The following AGBL1 variants were observed in gnomAD, a reference collection of about 807,000 sequenced individuals.
AGBL1 encodes cytosolic carboxypeptidase 4.
A neutral mutation model predicts 118.9 loss-of-function variants in AGBL1; 130 were observed. The ratio of observed to expected loss-of-function variants is 1.09; its 90% CI spans 0.95 to 1.26. The LOEUF is 1.26. AGBL1 is among the 50% of genes most tolerant of loss of function. The probability of loss-of-function intolerance (pLI) is 0.00; values close to 1 mark genes in which losing one functional copy is unlikely to be tolerated. For missense variants in AGBL1, 1,584 were observed against 1,298.1 expected (o/e 1.22, Z -3.38); for synonymous variants, 555 against 478.9 (o/e 1.16, Z -2.08).
At chr15:86,512,460 C>A (rs1381957435) in intron 18 of AGBL1, among the ~76,000 whole-genome samples, 1 of 151,574 alleles carries the variant, frequency 6.6e-6, no homozygotes, top group African/African-American at 2.4e-5. Context: ...TATCCTTGTT[C>A]AATTTTCTTT....
rs762507639 is a variant in AGBL1 at position 86,262,804 on chromosome 15, C to T, written c.996C>T (p.Asn332=). ...VEDDDLETDV[N]KLSSKPGLDR... ...ATGATGACTTGGAAACAGACGTGAA[C>T]AAGCTGAGTTCCAAACCTGGTCTTG... The change falls in exon 10 of 23, where the codon AAC becomes AAT. Residue 332 remains asparagine, a synonymous_variant. Coordinates refer to ENST00000614907, the MANE Select transcript of AGBL1 (RefSeq NM_001386094.1). 2 of 1,609,388 alleles carry T rather than the reference C, an allele frequency of 1.2e-6. No individual in the cohort carries two copies. Among genetic ancestry groups the T allele is most frequent in the Admixed American group, 1.7e-5 (1 of 59,536 alleles).
intron 18 of AGBL1, among the ~76,000 whole-genome samples, chr15:86,480,999 A>C (rs1313075970): frequency 6.6e-6 from 1 of 152,026 alleles, no homozygotes; most frequent in Non-Finnish European, 1.5e-5. Context: ...CTGCCATTTA[A>C]GGCTGGTGAC....
chr15:86,430,129 T>C (rs2081917362), intron 18 of AGBL1, among the ~76,000 whole-genome samples: 1 of 152,208 alleles, frequency 6.6e-6, no homozygotes, highest in Non-Finnish European at 1.5e-5. Flanking sequence ...TTTCAGTGCA[T>C]ATGTTTTAGT....
At chr15:86,560,298 C>T (rs2083797387) in intron 21 of AGBL1, among the ~76,000 whole-genome samples, 5 of 149,940 alleles carry the variant, frequency 3.3e-5, no homozygotes, top group Admixed American at 2.0e-4. Flanking sequence ...CCCTCCCCAC[C>T]CCCGCAACAG....
chr15:86,691,457 T>C (rs1161131819), intron 22 of AGBL1, among the ~76,000 whole-genome samples: 1 of 152,226 alleles, frequency 6.6e-6, no homozygotes, highest in East Asian at 1.9e-4. Context: ...TTCTCTGCAT[T>C]GGCCAATTAC....
intron 22 of AGBL1, among the ~76,000 whole-genome samples, chr15:86,740,209 A>G (rs577032023): frequency 3.0e-4 from 45 of 152,370 alleles, no homozygotes; most frequent in African/African-American, 8.4e-4. Flanking sequence ...GTTGTAAAGT[A>G]TAAAGAAGAA....
chr15:86,707,098 GT>G lies in AGBL1; in HGVS notation c.3158+32666del, dbSNP rs143729937. The stretch of plus-strand genomic sequence containing the variant: ...GTCTCTCTATCTGTTCATCTCTCTA[GT>G]TTTGCTAGCTATGTGCTAGATCCTA... On this transcript the variant is annotated intron_variant, in intron 22 of 22. Transcript: ENST00000614907. Among the ~76,000 whole-genome samples, 527 of 152,184 alleles carry G rather than the reference GT, an allele frequency of 3.5e-3. 5 individuals are homozygous for G. Among genetic ancestry groups the G allele is most frequent in the African/African-American group, 0.012 (500 of 41,540 alleles).
At chr15:86,850,592 T>G (rs1249574059) in intron 22 of AGBL1, among the ~76,000 whole-genome samples, 1 of 152,190 alleles carries the variant, frequency 6.6e-6, no homozygotes, top group African/African-American at 2.4e-5. Flanking sequence ...CCTCATTTCC[T>G]CTGGGCTCTG....
chr15:86,880,103 C>T (rs771142951), intron 22 of AGBL1, among the ~76,000 whole-genome samples: 2 of 152,288 alleles, frequency 1.3e-5, no homozygotes, highest in Non-Finnish European at 2.9e-5. Context: ...AATCCAGAGC[C>T]GACATTTACA....
intron 18 of AGBL1, among the ~76,000 whole-genome samples, chr15:86,489,258 G>A (rs1337174354): frequency 6.6e-6 from 1 of 152,004 alleles, no homozygotes; most frequent in Non-Finnish European, 1.5e-5. Context: ...ATATTTGCAG[G>A]GTCTTGCACA....
chr15:86,702,781 T>A (rs1161540415), intron 22 of AGBL1, among the ~76,000 whole-genome samples: 44 of 152,166 alleles, frequency 2.9e-4, no homozygotes, highest in African/African-American at 1.1e-3. Context: ...CTTGCTTGTC[T>A]TCGTCTGCTG....
At position 86,554,534 on chromosome 15, in the gene AGBL1, T is replaced by C. The variant is rs1276708025; in HGVS notation, c.2991T>C (p.Tyr997=). The part of the protein sequence containing the change: ...SSYCGCNQGP[Y]QGLQFGTREL... ...ACTGTGGCTGCAACCAGGGCCCTTA[T>C]CAGGTATGTGAGGCTGCAGGACACC... The change falls in exon 21 of 23, where the codon TAT becomes TAC. Residue 997 remains tyrosine, a synonymous_variant. Coordinates refer to ENST00000614907, the MANE Select transcript of AGBL1 (RefSeq NM_001386094.1). 1 of 1,523,216 alleles carries C rather than the reference T, an allele frequency of 6.6e-7. No homozygotes were observed. Among genetic ancestry groups the C allele is most frequent in the South Asian group, 1.3e-5 (1 of 77,588 alleles). 94.4% of individuals were successfully genotyped at this position (1,523,216 alleles called of 1,614,324 possible). A position where few individuals can be genotyped will look rare whatever the true frequency, so the allele number is the denominator to read the frequency against.
chr15:86,173,759 G>A (rs1411456807), intron 5 of AGBL1, among the ~76,000 whole-genome samples: 1 of 151,986 alleles, frequency 6.6e-6, no homozygotes, highest in Non-Finnish European at 1.5e-5. Context: ...CTACAAATAG[G>A]TGAATATCTT....
At chr15:86,901,844 A>G (rs1344509254) in intron 22 of AGBL1, among the ~76,000 whole-genome samples, 5 of 151,980 alleles carry the variant, frequency 3.3e-5, no homozygotes, top group South Asian at 2.1e-4. Flanking sequence ...CATTTTATAT[A>G]TGTTTTTTCT....
chr15:86,191,172 C>CA (rs1425146145), intron 5 of AGBL1, among the ~76,000 whole-genome samples: 1 of 151,012 alleles, frequency 6.6e-6, no homozygotes, highest in African/African-American at 2.4e-5. Context: ...GTGAAACCCC[C>CA]CCTCCCTACT....
chr15:86,515,672 C>T (rs576323562), intron 18 of AGBL1, among the ~76,000 whole-genome samples: 6 of 152,258 alleles, frequency 3.9e-5, no homozygotes, highest in Non-Finnish European at 5.9e-5. Context: ...TGGATGACTT[C>T]AAGTGGTTGT....
chr15:86,284,402 A>T lies in AGBL1; in HGVS notation c.2220+4619A>T, dbSNP rs149379259. Among the ~76,000 whole-genome samples, 242 of 152,286 alleles carry T rather than the reference A, an allele frequency of 1.6e-3. 1 individual carries two copies. The highest frequency in any genetic ancestry group is 5.5e-3 in the African/African-American group (230 of 41,566). Reference sequence around the variant, plus strand: ...GTGAGTAGATATCTAGAGACTAATCATTTCTCACATTTTTAAAGTTAAGTC... The same window carrying T: ...GTGAGTAGATATCTAGAGACTAATCTTTTCTCACATTTTTAAAGTTAAGTC... On this transcript the variant is annotated intron_variant, in intron 16 of 22. Transcript: ENST00000614907.
At chr15:86,965,288 CA>C (rs2141692839) in intron 23 of AGBL1, among the ~76,000 whole-genome samples, 1 of 152,258 alleles carries the variant, frequency 6.6e-6, no homozygotes, top group African/African-American at 2.4e-5. Flanking sequence ...TCCTCTCCAG[CA>C]TCTGCTGTTT....
At chr15:86,844,303 G>A (rs573311915) in intron 22 of AGBL1, among the ~76,000 whole-genome samples, 5 of 152,274 alleles carry the variant, frequency 3.3e-5, no homozygotes, top group South Asian at 2.1e-4. Flanking sequence ...ACGTCTTTAA[G>A]TGGCTGTACC....
Sources: gnomAD v4.1 joint callset for allele counts (sites outside exome capture counted in the v4.1 genomes callset) on GRCh38, gnomAD v4.1.1 for gene constraint, MANE v1.5 for transcripts, NCBI Gene and HGNC (gene_info 2026-07-23, HGNC 2026-07-21) for gene names.